The following TRIM6 variants were observed in gnomAD, a reference collection of about 807,000 sequenced individuals.
TRIM6 encodes tripartite motif containing 6.
TRIM6 carries 43 observed loss-of-function variants against 51.2 expected under a neutral mutation model. The observed-to-expected ratio is 0.84, with a 90% confidence interval of 0.66 to 1.08. The LOEUF is 1.08. TRIM6 is among the 50% of genes least tolerant of loss of function. The pLI, the probability that TRIM6 is intolerant of heterozygous loss-of-function variation, is 0.00. For missense variants in TRIM6, 669 were observed against 619.0 expected (o/e 1.08, Z -0.86); for synonymous variants, 215 against 232.4 (o/e 0.93, Z 0.68).
chr11:5,596,388 A>T (rs1277957796), upstream of TRIM6, among the ~76,000 whole-genome samples: 1 of 151,822 alleles, frequency 6.6e-6, no homozygotes, highest in Non-Finnish European at 1.5e-5. Flanking sequence ...AAAGAGAGTT[A>T]AACCTCTATT....
chr11:5,599,928 T>G (rs539486118), intron 1 of TRIM6, among the ~76,000 whole-genome samples: 1 of 152,182 alleles, frequency 6.6e-6, no homozygotes, highest in Admixed American at 6.5e-5. Context: ...GCCTCTATTA[T>G]CAAAGGCAAT....
intron 4 of TRIM6, among the ~76,000 whole-genome samples, chr11:5,606,199 ACT>A (rs1848196603): frequency 1.3e-5 from 2 of 151,854 alleles, no homozygotes; most frequent in Admixed American, 6.6e-5. Context: ...CTTTGTTTTC[ACT>A]CTCTTCTCTA....
intron 5 of TRIM6, 119 bp downstream of exon 5, chr11:5,608,513 A>G (rs1049908547): frequency 1.4e-6 from 2 of 1,467,740 alleles, no homozygotes; most frequent in South Asian, 1.3e-5. Context: ...GTAGTCTTGA[A>G]TCGCGCATCA....
chr11:5,604,695 C>A, intron 3 of TRIM6, 66 bp downstream of exon 3: 1 of 1,527,376 alleles, frequency 6.5e-7, no homozygotes, highest in Non-Finnish European at 8.8e-7. Flanking sequence ...GAGCTGAGGG[C>A]AAAGGAGTCC....
intron 2 of TRIM6, 140 bp from the exon 3 acceptor site, chr11:5,604,394 G>C: frequency 1.2e-6 from 1 of 839,850 alleles, no homozygotes; most frequent in Non-Finnish European, 1.8e-6. Flanking sequence ...TAAAAGATTT[G>C]TTGGCCCTCT....
At position 5,603,293 on chromosome 11, in the gene TRIM6, G is replaced by A. The variant is rs1330437029; in HGVS notation, c.65G>A (p.Gly22Glu). ...NILEIRVGQA[G>E]ARRVATMTSP... ...TTAGAAATCAGGGTTGGGCAGGCAG[G>A]AGCCAGGAGAGTAGCTACAATGACT... is the stretch of plus-strand genomic sequence containing the variant. Residue 22 changes from glycine (G) to glutamate (E), a missense_variant, in exon 2 of 8, where the codon GGA becomes GAA. Coordinates refer to ENST00000380097, the MANE Select transcript of TRIM6 (RefSeq NM_001003818.3). 2 of 1,614,078 alleles carry A rather than the reference G, an allele frequency of 1.2e-6. No individual in the cohort carries two copies. The highest frequency in any genetic ancestry group is 8.5e-7 in the Non-Finnish European group (1 of 1,180,002).
chr11:5,603,977 G>A (rs1250553189), intron 2 of TRIM6, among the ~76,000 whole-genome samples: 5 of 151,842 alleles, frequency 3.3e-5, no homozygotes, highest in African/African-American at 1.2e-4. Context: ...TGTTGGCAGG[G>A]TAGGTAAAGG....
chr11:5,607,473 C>G (rs1848294023), intron 4 of TRIM6, among the ~76,000 whole-genome samples: 2 of 152,076 alleles, frequency 1.3e-5, no homozygotes, highest in South Asian at 4.1e-4. Context: ...ATAGTTAATC[C>G]TGTATTATGT....
rs1185294083 is a variant in TRIM6, at chr11:5,612,332, T to G, written c.*990T>G. On this transcript the variant is annotated 3_prime_UTR_variant, in exon 8 of 8. Transcript: ENST00000380097. The stretch of plus-strand genomic sequence containing the variant: ...AATGATAATTTGGGTAGCTTCAAAC[T>G]CAAATTGAAGAGAGTCTTCACTACA... The G allele has an allele frequency of 6.6e-6, 1 of 152,202 alleles. No individual in the cohort carries two copies. Among genetic ancestry groups the G allele is most frequent in the African/African-American group, 2.4e-5 (1 of 41,450 alleles). 9.4% of individuals were successfully genotyped at this position (152,202 alleles called of 1,614,324 possible).
intron 7 of TRIM6, 101 bp downstream of exon 7, chr11:5,610,662 C>T: frequency 1.9e-6 from 3 of 1,564,714 alleles, no homozygotes; most frequent in Non-Finnish European, 2.6e-6. Context: ...TGATGCCTCC[C>T]CCATCCCCGC....
At chr11:5,601,107 C>G (rs915540930) in intron 1 of TRIM6, among the ~76,000 whole-genome samples, 1 of 152,196 alleles carries the variant, frequency 6.6e-6, no homozygotes, top group Admixed American at 6.5e-5. Flanking sequence ...CCCTTAGGAT[C>G]CTGCTGAAGT....
chr11:5,602,400 G>A (rs543104458), intron 1 of TRIM6, among the ~76,000 whole-genome samples: 3 of 151,446 alleles, frequency 2.0e-5, no homozygotes, highest in African/African-American at 2.4e-5. Context: ...TCGAGATCAC[G>A]CCACTGCACT....
intron 5 of TRIM6, among the ~76,000 whole-genome samples, chr11:5,608,698 CA>C (rs953172189): frequency 1.1e-4 from 16 of 149,512 alleles, no homozygotes; most frequent in African/African-American, 3.4e-4. Context: ...CTCAAACAAA[CA>C]AAAAAAAATG....
rs1422585960 is a variant in TRIM6, at chr11:5,610,760, T to C, written c.986-17T>C. 6.2e-7 allele frequency: 1 copy of C among 1,612,826 alleles called. No homozygotes were observed. Among genetic ancestry groups the C allele is most frequent in the Admixed American group, 1.7e-5 (1 of 59,972 alleles). ...TGTCCCCGTTCTCATCTGCTGATGT[T>C]GTACCTTTTCCTACAGTTGACGTGA... is the stretch of plus-strand genomic sequence containing the variant. On this transcript the variant is annotated splice_polypyrimidine_tract_variant and intron_variant, in intron 7 of 7. Coordinates refer to ENST00000380097, the MANE Select transcript of TRIM6 (RefSeq NM_001003818.3).
At position 5,605,486 on chromosome 11, in the gene TRIM6, G is replaced by T; in HGVS notation, c.753G>T (p.Leu251=). ...TTATAGAAGAGGCTGAGAATGATCTGGTCCACCAGACCCAGTCGCTGCGAG... is the reference window on the plus strand; with the variant it reads ...TTATAGAAGAGGCTGAGAATGATCTTGTCCACCAGACCCAGTCGCTGCGAG... ...LRIIEEAEND[L]VHQTQSLREL... Residue 251 remains leucine (L), a synonymous_variant, in exon 4 of 8, where the codon CTG becomes CTT. Transcript: ENST00000380097. 1 of 1,614,194 alleles carries T rather than the reference G, an allele frequency of 6.2e-7. No homozygotes were observed. Among genetic ancestry groups the T allele is most frequent in the Non-Finnish European group, 8.5e-7 (1 of 1,180,042 alleles).
rs1193412726 is a variant in TRIM6 at position 5,612,436 on chromosome 11, A to G, written c.*1094A>G. 1 of 152,226 alleles carries G rather than the reference A, an allele frequency of 6.6e-6. No homozygotes were observed. The highest frequency in any genetic ancestry group is 2.4e-5 in the African/African-American group (1 of 41,462). 9.4% of individuals were successfully genotyped at this position (152,226 alleles called of 1,614,324 possible). On this transcript the variant is annotated 3_prime_UTR_variant, in exon 8 of 8. Transcript: ENST00000380097. ...CAATAAAAAAAAATACGTCTTTCAA[A>G]TTAATTGCAGTAAAAACAAAAGAGT... is the stretch of plus-strand genomic sequence containing the variant.
chr11:5,604,416 C>A, intron 2 of TRIM6, 118 bp from the exon 3 acceptor site: 1 of 1,136,948 alleles, frequency 8.8e-7, no homozygotes, highest in Non-Finnish European at 1.2e-6. Flanking sequence ...AAGTTTTCAT[C>A]CTAGGTTAGG....
At chr11:5,597,196 C>G (rs1272962724) in intron 1 of TRIM6, among the ~76,000 whole-genome samples, 1 of 152,098 alleles carries the variant, frequency 6.6e-6, no homozygotes, top group Non-Finnish European at 1.5e-5. Flanking sequence ...GTTAACTTGA[C>G]TTCTTTGAGC....
Position 5,603,274 on chromosome 11 carries a change from A to G in TRIM6, c.46A>G (p.Ile16Val). Residue 16 changes from isoleucine (I) to valine (V), a missense_variant, in exon 2 of 8, where the codon ATC becomes GTC. Ile to Val is a conservative substitution (Grantham distance 29). Coordinates refer to ENST00000380097, the MANE Select transcript of TRIM6 (RefSeq NM_001003818.3). ...RILQAGNILE[I>V]RVGQAGARRV... Reference sequence around the variant, plus strand: ...TCTACAGGCAGGAAACATCTTAGAAATCAGGGTTGGGCAGGCAGGAGCCAG... The same window carrying G: ...TCTACAGGCAGGAAACATCTTAGAAGTCAGGGTTGGGCAGGCAGGAGCCAG... 6.2e-7 allele frequency: 1 copy of G among 1,613,934 alleles called. No individual in the cohort carries two copies. The highest frequency in any genetic ancestry group is 8.5e-7 in the Non-Finnish European group (1 of 1,179,928).
Sources: gnomAD v4.1 joint callset for allele counts (sites outside exome capture counted in the v4.1 genomes callset) on GRCh38, gnomAD v4.1.1 for gene constraint, MANE v1.5 for transcripts, NCBI Gene and HGNC (gene_info 2026-07-23, HGNC 2026-07-21) for gene names.